SPAG9: variants seen among roughly 807,000 people sequenced by gnomAD.
SPAG9 encodes the protein C-Jun-amino-terminal kinase-interacting protein 4.
In SPAG9, 35 loss-of-function variants were observed where a neutral mutation model predicts 166.5. The ratio of observed to expected loss-of-function variants is 0.21; its 90% CI spans 0.16 to 0.28. The LOEUF (loss-of-function observed/expected upper bound fraction) is 0.28, where lower values mean the gene tolerates loss of function less well. Among genes scored for constraint, SPAG9 ranks in the 10% least tolerant of loss-of-function variants. The pLI is 1.00. For synonymous variants in SPAG9, 534 were observed against 565.5 expected (o/e 0.94, Z 0.79); for missense variants, 1,235 against 1,603.3 (o/e 0.77, Z 3.92).
chr17:50,965,850 A>G lies in SPAG9; in HGVS notation c.*422T>C, dbSNP rs147399641. The G allele has an allele frequency of 4.0e-4, 66 of 166,862 alleles. 1 individual carries two copies. Among genetic ancestry groups the G allele is most frequent in the Admixed American group, 2.0e-3 (35 of 17,728 alleles). The allele number at this position is 166,862 out of a possible 1,614,324, so 10.3% of individuals were successfully genotyped here. On this transcript the variant is annotated 3_prime_UTR_variant, in exon 30 of 30. Coordinates refer to ENST00000262013, the MANE Select transcript of SPAG9 (RefSeq NM_001130528.3). The stretch of plus-strand genomic sequence containing the variant: ...TTAGTGTGTGTCAATTTTACAATAC[A>G]CTGGGGAAAACTCAGCTATTGTATT...
At position 50,989,680 on chromosome 17, in the gene SPAG9, G is replaced by T; in HGVS notation, c.2810C>A (p.Ser937Ter). The change falls in exon 21 of 30, where the codon TCG becomes TAG. Residue 937 changes from serine (S) to a stop codon, truncating the protein, a stop_gained. Transcript: ENST00000262013. LOFTEE classifies it high-confidence loss of function. ...AGTTGATGACCCATTATTATACCTC[G>T]ACTGATACACTGGGGAGAGGTCTTC... ...IPEDLSPVYQ[S>*]SNDSDAYKDQ... 6.2e-7 allele frequency: 1 copy of T among 1,613,534 alleles called. No individual in the cohort carries two copies. Among genetic ancestry groups the T allele is most frequent in the South Asian group, 1.1e-5 (1 of 91,026 alleles).
intron 19 of SPAG9, among the ~76,000 whole-genome samples, chr17:50,993,526 T>TC (rs776304963): frequency 1.6e-4 from 25 of 152,192 alleles, no homozygotes; most frequent in Admixed American, 5.2e-4. Context: ...ATCCAAACAG[T>TC]CCTCTGGCTC....
At chr17:51,088,163 G>C (rs62062992) in intron 1 of SPAG9, among the ~76,000 whole-genome samples, 16,476 of 152,134 alleles carry the variant, frequency 0.11, 1,136 homozygotes, top group Non-Finnish European at 0.16. Flanking sequence ...ATCCCAGTCC[G>C]TCACTCTGTA....
Position 50,999,778 on chromosome 17 carries a change from G to A in SPAG9, c.1608-61C>T, listed in dbSNP as rs929318068. 3.5e-6 allele frequency: 5 copies of A among 1,437,376 alleles called. No homozygotes were observed. The African/African-American group carries it at 5.7e-5, about 16-fold the overall frequency. 89.0% of individuals were successfully genotyped at this position (1,437,376 alleles called of 1,614,324 possible). A position where few individuals can be genotyped will look rare whatever the true frequency, so the allele number is the denominator to read the frequency against. On this transcript the variant is annotated intron_variant, in intron 13 of 29. Coordinates refer to ENST00000262013, the MANE Select transcript of SPAG9 (RefSeq NM_001130528.3). ...AGTGAGGTATTCTACCTTTCTTTCT[G>A]AAGAACAAGAGACCCAAGAAGTTCA...
intron 1 of SPAG9, among the ~76,000 whole-genome samples, chr17:51,093,351 A>G (rs891404838): frequency 2.0e-5 from 3 of 152,064 alleles, no homozygotes; most frequent in Non-Finnish European, 2.9e-5. Flanking sequence ...GCTATTTGTA[A>G]CAGTTCACAA....
rs185501758 is a variant in SPAG9, at chr17:50,990,086, G to A, written c.2618-214C>T. The A allele has an allele frequency of 1.3e-4, 73 of 579,096 alleles. No homozygotes were observed. The East Asian group carries it at 1.4e-3, about 11-fold the overall frequency. The allele number at this position is 579,096 out of a possible 1,614,324, so 35.9% of individuals were successfully genotyped here. On this transcript the variant is annotated intron_variant, in intron 20 of 29. Transcript: ENST00000262013. The stretch of plus-strand genomic sequence containing the variant: ...TCTGTTGCCCAGGCTGGAGTGCGGC[G>A]GCGTGATCTTGGCTCACTGCAAGCT...
intron 6 of SPAG9, among the ~76,000 whole-genome samples, chr17:51,022,943 A>AAATAATAATAATAAT (rs369538903): frequency 0.016 from 2,288 of 143,190 alleles, 31 homozygotes; most frequent in Middle Eastern, 0.048. Context: ...CTCCATCTCA[A>AAATAATAATAATAAT]AATAATAATA....
At chr17:50,985,942 G>C (rs545418570) in intron 22 of SPAG9, among the ~76,000 whole-genome samples, 164 bp from the exon 23 acceptor site, 12 of 152,366 alleles carry the variant, frequency 7.9e-5, no homozygotes, top group Non-Finnish European at 8.8e-5. Context: ...AAAAATGAGA[G>C]TGAGGGTAGG....
chr17:51,002,383 T>C (rs2044993377), intron 12 of SPAG9, among the ~76,000 whole-genome samples: 1 of 152,134 alleles, frequency 6.6e-6, no homozygotes, highest in Non-Finnish European at 1.5e-5. Context: ...TTTCTGAATA[T>C]ATATACACAG....
At chr17:51,035,290 T>C (rs1250579422) in intron 5 of SPAG9, among the ~76,000 whole-genome samples, 4 of 152,178 alleles carry the variant, frequency 2.6e-5, no homozygotes, top group Non-Finnish European at 5.9e-5. Context: ...GCTTTGATGA[T>C]TGTATTATGG....
chr17:51,098,421 C>A (rs9897898), intron 1 of SPAG9, among the ~76,000 whole-genome samples: 7,279 of 151,672 alleles, frequency 0.048, 511 homozygotes, highest in African/African-American at 0.16. Flanking sequence ...TTTTTCCAAA[C>A]ACACAGGCCC....
At chr17:51,076,993 T>TCTAGCTAGCTAG (rs1206508700) in intron 2 of SPAG9, among the ~76,000 whole-genome samples, 4 of 85,802 alleles carry the variant, frequency 4.7e-5, no homozygotes, top group African/African-American at 1.8e-4. Context: ...TATCTAGCTA[T>TCTAGCTAGCTAG]CTAGCTATCT....
intron 1 of SPAG9, among the ~76,000 whole-genome samples, chr17:51,081,175 T>A (rs1488725534): frequency 6.6e-6 from 1 of 152,168 alleles, no homozygotes; most frequent in Non-Finnish European, 1.5e-5. Flanking sequence ...AGTCTCCTAA[T>A]TAGTCTTCTT....
chr17:50,977,250 G>T, intron 26 of SPAG9, 29 bp from the exon 27 acceptor site: 3 of 1,355,632 alleles, frequency 2.2e-6, no homozygotes, highest in Non-Finnish European at 3.2e-6. Flanking sequence ...ACACGTTATT[G>T]AGAAACTAAA....
intron 13 of SPAG9, among the ~76,000 whole-genome samples, chr17:51,000,454 T>C (rs1463878409): frequency 6.6e-6 from 1 of 151,990 alleles, no homozygotes; most frequent in Admixed American, 6.6e-5. Flanking sequence ...TGAAGTCCAG[T>C]TGGGCACAGT....
Position 51,064,432 on chromosome 17 carries a change from G to A in SPAG9, c.425-7950C>T, listed in dbSNP as rs146475389. On this transcript the variant is annotated intron_variant, in intron 2 of 29. Transcript: ENST00000262013. ...CAGACTTTCAGATAGCAAAGTTAGA[G>A]TTTTGGTTGTTTCTAGCTCTAGCAG... Among the ~76,000 whole-genome samples, 573 of 152,306 alleles carry A rather than the reference G, an allele frequency of 3.8e-3. 9 individuals carry two copies. The East Asian group carries it at 0.039, about 10-fold the overall frequency.
intron 6 of SPAG9, 100 bp downstream of exon 6, chr17:51,031,581 G>T: frequency 2.3e-6 from 2 of 861,300 alleles, no homozygotes; most frequent in Non-Finnish European, 3.8e-6. Context: ...AGTCTTCCAA[G>T]CTGAGCATCT....
intron 2 of SPAG9, among the ~76,000 whole-genome samples, chr17:51,065,826 T>C (rs988793948): frequency 1.7e-4 from 26 of 152,186 alleles, no homozygotes; most frequent in African/African-American, 6.3e-4. Flanking sequence ...CGATGCTCCA[T>C]GCCCTTTACC....
chr17:50,979,048 G>C (rs1327897376), intron 26 of SPAG9, among the ~76,000 whole-genome samples: 1 of 151,986 alleles, frequency 6.6e-6, no homozygotes, highest in Non-Finnish European at 1.5e-5. Context: ...TAAGAGAAGA[G>C]GAGTCCAAAA....
Sources: gnomAD v4.1 joint callset for allele counts (sites outside exome capture counted in the v4.1 genomes callset) on GRCh38, gnomAD v4.1.1 for gene constraint, MANE v1.5 for transcripts, NCBI Gene and HGNC (gene_info 2026-07-23, HGNC 2026-07-21) for gene names.